ARFGEF1: variants seen among roughly 807,000 people sequenced by gnomAD.
The protein encoded by ARFGEF1 is brefeldin A-inhibited guanine nucleotide-exchange protein 1.
A neutral mutation model predicts 231.0 loss-of-function variants in ARFGEF1; 42 were observed. The observed-to-expected ratio is 0.18, with a 90% CI of 0.14 to 0.24. The LOEUF is 0.24. Ranked by LOEUF, ARFGEF1 falls within the 10% of genes least tolerant of loss-of-function variation. The pLI is 1.00. For missense variants in ARFGEF1, 1,345 were observed against 2,192.0 expected (o/e 0.61, Z 7.72); for synonymous variants, 710 against 732.3 (o/e 0.97, Z 0.49).
rs562758035 is a variant in ARFGEF1 at position 67,214,946 on chromosome 8, A to T, written c.4686+1644T>A. Among the ~76,000 whole-genome samples, 7 of 152,348 alleles carry T rather than the reference A, an allele frequency of 4.6e-5. No individual in the cohort carries two copies. In the South Asian group the frequency reaches 1.4e-3, roughly 32 times the overall value. On this transcript the variant is annotated intron_variant, in intron 33 of 38. Transcript: ENST00000262215. ...GCCCGAAGAAGCCAGCCATAGCCCCAGAGGGCAGAATATCAAGCCACACAG... is the reference window on the plus strand; with the variant it reads ...GCCCGAAGAAGCCAGCCATAGCCCCTGAGGGCAGAATATCAAGCCACACAG...
At chr8:67,311,431 CG>C (rs1807048368) in intron 1 of ARFGEF1, among the ~76,000 whole-genome samples, 1 of 134,846 alleles carries the variant, frequency 7.4e-6, no homozygotes, top group African/African-American at 2.8e-5. Context: ...GTCAGCCCCC[CG>C]CCCGGCCAGC....
chr8:67,237,865 T>C (rs529099358), intron 22 of ARFGEF1, among the ~76,000 whole-genome samples: 2 of 152,338 alleles, frequency 1.3e-5, no homozygotes, highest in Admixed American at 1.3e-4. Context: ...CATTCTTCTC[T>C]ACCCATTTTT....
chr8:67,247,401 T>A (rs1840139456), intron 19 of ARFGEF1, among the ~76,000 whole-genome samples: 1 of 150,490 alleles, frequency 6.6e-6, no homozygotes, highest in Non-Finnish European at 1.5e-5. Flanking sequence ...CATGACCAAG[T>A]GGGATTTATC....
chr8:67,195,445 A>C (rs1488983174), downstream of ARFGEF1: 3 of 1,614,174 alleles, frequency 1.9e-6, no homozygotes, highest in Non-Finnish European at 2.5e-6. Flanking sequence ...GACGGATCAA[A>C]CTCTGTAGCA....
intron 1 of ARFGEF1, among the ~76,000 whole-genome samples, chr8:67,340,770 G>T (rs1808588336): frequency 6.6e-6 from 1 of 152,098 alleles, no homozygotes; most frequent in African/African-American, 2.4e-5. Flanking sequence ...GCCCTTCCCT[G>T]GATAGTCACA....
chr8:67,258,018 C>T (rs1840516711), intron 16 of ARFGEF1, 67 bp downstream of exon 16: 1 of 1,433,610 alleles, frequency 7.0e-7, no homozygotes, highest in African/African-American at 1.4e-5. Context: ...CTGTAAATCC[C>T]TGGATGCTAC....
chr8:67,291,526 A>T (rs1442293711), intron 6 of ARFGEF1, among the ~76,000 whole-genome samples: 1 of 152,098 alleles, frequency 6.6e-6, no homozygotes, highest in Non-Finnish European at 1.5e-5. Context: ...CTATGAAACC[A>T]ATCTTAAGAA....
At chr8:67,311,669 T>C (rs1181971672) in intron 1 of ARFGEF1, among the ~76,000 whole-genome samples, 1 of 151,692 alleles carries the variant, frequency 6.6e-6, no homozygotes, top group Non-Finnish European at 1.5e-5. Flanking sequence ...GAGGGGCGCC[T>C]CTGCCCGGCC....
chr8:67,325,713 A>C (rs1416190528), intron 1 of ARFGEF1, among the ~76,000 whole-genome samples: 6 of 152,244 alleles, frequency 3.9e-5, no homozygotes, highest in Non-Finnish European at 7.3e-5. Flanking sequence ...TACTAGTAAC[A>C]AACATAAATA....
intron 5 of ARFGEF1, among the ~76,000 whole-genome samples, chr8:67,187,015 A>ATCTATCTATCTAATCT (rs1554622825): frequency 9.1e-5 from 13 of 142,976 alleles, no homozygotes; most frequent in African/African-American, 3.4e-4. Flanking sequence ...CTATCTATCT[A>ATCTATCTATCTAATCT]ATCTATCTAT....
intron 1 of ARFGEF1, among the ~76,000 whole-genome samples, chr8:67,334,013 G>A (rs560468354): frequency 3.3e-5 from 5 of 151,978 alleles, no homozygotes; most frequent in Admixed American, 3.3e-4. Flanking sequence ...GCGCATGCCT[G>A]TAATCCCAGC....
At chr8:67,277,507 G>A in intron 7 of ARFGEF1, 50 bp from the exon 8 acceptor site, 1 of 1,538,998 alleles carries the variant, frequency 6.5e-7, no homozygotes, top group Non-Finnish European at 8.8e-7. Context: ...CTTAACCGAA[G>A]TGTATTTAAA....
intron 9 of ARFGEF1, 147 bp from the exon 10 acceptor site, chr8:67,272,083 A>G (rs1805119582): frequency 1.7e-6 from 1 of 601,208 alleles, no homozygotes; most frequent in Non-Finnish European, 2.9e-6. Context: ...ATAACATAAA[A>G]AAAGTACAGT....
In ARFGEF1 at chr8:67,247,309, A is replaced by G. The variant is rs1333539039; in HGVS notation, c.2850+3990T>C. On this transcript the variant is annotated intron_variant, in intron 19 of 38. Coordinates refer to ENST00000262215, the MANE Select transcript of ARFGEF1 (RefSeq NM_006421.5). ...ATTAAAAAAAAAATTGCAGGCCAAT[A>G]TCACTGATGAATATTGATGCAAAAA... Among the ~76,000 whole-genome samples, 5 of 150,402 alleles carry G rather than the reference A, an allele frequency of 3.3e-5. 1 individual carries two copies. The highest frequency in any genetic ancestry group is 5.0e-5 in the African/African-American group (2 of 40,282).
At position 67,337,380 on chromosome 8, in the gene ARFGEF1, C is replaced by T. The variant is rs372300939; in HGVS notation, c.124+5784G>A. On this transcript the variant is annotated intron_variant, in intron 1 of 38. Transcript: ENST00000262215. ...GAAGCTCTGGCTACAAGACTGGATG[C>T]CATCCCCTCTGTTAACCAACCCATC... Among the ~76,000 whole-genome samples the T allele has an allele frequency of 1.2e-4, 18 of 152,216 alleles. No homozygotes were observed. The East Asian group carries it at 3.1e-3, about 26-fold the overall frequency.
chr8:67,299,321 G>T lies in ARFGEF1; in HGVS notation c.347C>A (p.Ala116Asp). The T allele has an allele frequency of 6.2e-7, 1 of 1,608,032 alleles. No individual in the cohort carries two copies. Among genetic ancestry groups the T allele is most frequent in the Non-Finnish European group, 8.5e-7 (1 of 1,178,520 alleles). ...TTTGCCTGGTGTTGTACTATCTGGA[G>T]CATTGCCAGTCAAGTGCCCATAAGC... Reference protein sequence around the residue: ...LIAYGHLTGNAPDSTTPGKKL... With the variant: ...LIAYGHLTGNDPDSTTPGKKL... Residue 116 changes from alanine (A) to aspartate (D), a missense_variant, in exon 4 of 39, where the codon GCT becomes GAT. Around this residue, in one of 14 missense-constraint regions of ARFGEF1, gnomAD observed 398 missense variants for 463.2 expected, o/e 0.86. Transcript: ENST00000262215.
At chr8:67,314,100 G>C (rs1272951029) in intron 1 of ARFGEF1, among the ~76,000 whole-genome samples, 1 of 152,162 alleles carries the variant, frequency 6.6e-6, no homozygotes, top group Admixed American at 6.5e-5. Flanking sequence ...TGAAGGGTCA[G>C]TCTCACTCCC....
chr8:67,312,505 GATC>G (rs1807120431), intron 1 of ARFGEF1, among the ~76,000 whole-genome samples: 2 of 152,136 alleles, frequency 1.3e-5, no homozygotes, highest in South Asian at 4.1e-4. Context: ...GTAAAATCAA[GATC>G]TTCTCAGATG....
chr8:67,218,194 A>T (rs1340522489), intron 30 of ARFGEF1, 56 bp from the exon 31 acceptor site: 2 of 163,428 alleles, frequency 1.2e-5, no homozygotes, highest in African/African-American at 5.8e-5. Context: ...CTATGATTAA[A>T]AAAAAAAAAA....
Sources: gnomAD v4.1 joint callset for allele counts (sites outside exome capture counted in the v4.1 genomes callset) on GRCh38, gnomAD v4.1.1 for gene constraint, gnomAD v4.1.1 regional missense constraint, MANE v1.5 for transcripts, NCBI Gene and HGNC (gene_info 2026-07-23, HGNC 2026-07-21) for gene names.